Variants in RPSA2 observed in about 807,000 individuals in gnomAD.
The protein encoded by RPSA2 is ribosomal protein SA 2, also known as small ribosomal subunit protein uS2B.
chr19:23,859,608 C>G, the RPSA2 span, among the ~76,000 whole-genome samples: 1 of 128,710 alleles, frequency 7.8e-6, no homozygotes, highest in Non-Finnish European at 1.6e-5. Context: ...GCCTGGGCAA[C>G]AATAACAAAG....
the RPSA2 span, among the ~76,000 whole-genome samples, chr19:23,869,467 C>G: frequency 6.6e-6 from 1 of 152,160 alleles, no homozygotes; most frequent in Non-Finnish European, 1.5e-5. Context: ...TAGTTCTGAC[C>G]TCTCTCCATT....
At chr19:23,862,173 C>T in the RPSA2 span, among the ~76,000 whole-genome samples, 5 of 152,080 alleles carry the variant, frequency 3.3e-5, no homozygotes, top group Non-Finnish European at 7.3e-5. Flanking sequence ...ATTTGGCTCT[C>T]TGTTTGTCTG....
chr19:23,857,293 A>T, the RPSA2 span, among the ~76,000 whole-genome samples: 1 of 152,136 alleles, frequency 6.6e-6, no homozygotes, highest in African/African-American at 2.4e-5. Context: ...AGATAACATG[A>T]TTAAGAGATT....
the RPSA2 span, chr19:23,832,096 C>A: frequency 2.2e-6 from 1 of 453,306 alleles, no homozygotes; most frequent in East Asian, 6.0e-5. Flanking sequence ...ACACTCAACC[C>A]TTACTACACA....
At chr19:23,845,780 C>A in the RPSA2 span, among the ~76,000 whole-genome samples, 424 of 152,328 alleles carry the variant, frequency 2.8e-3, 2 homozygotes, top group African/African-American at 9.9e-3. Context: ...GTGTGAGCCA[C>A]CACCTCTGGC....
the RPSA2 span, among the ~76,000 whole-genome samples, chr19:23,785,201 A>G: frequency 6.6e-6 from 1 of 152,116 alleles, no homozygotes; most frequent in South Asian, 2.1e-4. Context: ...CACTTAGGTG[A>G]TGGGAATCTT....
At chr19:23,861,485 C>A in the RPSA2 span, among the ~76,000 whole-genome samples, 1 of 152,132 alleles carries the variant, frequency 6.6e-6, no homozygotes, top group Non-Finnish European at 1.5e-5. Context: ...GACCACCTCC[C>A]TTCCACATAC....
chr19:23,810,884 C>G, the RPSA2 span, among the ~76,000 whole-genome samples: 2 of 152,108 alleles, frequency 1.3e-5, no homozygotes, highest in African/African-American at 4.8e-5. Context: ...TAGCCAACAA[C>G]AGTAGTCCTG....
At chr19:23,778,026 C>CA in the RPSA2 span, among the ~76,000 whole-genome samples, 1 of 152,140 alleles carries the variant, frequency 6.6e-6, no homozygotes, top group Non-Finnish European at 1.5e-5. Flanking sequence ...TTCTATCCCC[C>CA]AAAAAACTGA....
At chr19:23,844,862 G>A in the RPSA2 span, among the ~76,000 whole-genome samples, 1 of 151,100 alleles carries the variant, frequency 6.6e-6, no homozygotes, top group Non-Finnish European at 1.5e-5. Flanking sequence ...TATACATTTG[G>A]TAGAATTTGG....
chr19:23,767,586 C>G, the RPSA2 span, among the ~76,000 whole-genome samples: 2 of 152,020 alleles, frequency 1.3e-5, no homozygotes, highest in African/African-American at 4.8e-5. Context: ...TACAAAGTGT[C>G]TCCTGGGAAG....
the RPSA2 span, among the ~76,000 whole-genome samples, chr19:23,803,287 G>C: frequency 7.9e-5 from 12 of 152,118 alleles, no homozygotes; most frequent in Admixed American, 7.9e-4. Flanking sequence ...GAAGAGATCA[G>C]AGTTTTGGGT....
chr19:23,788,757 C>T, the RPSA2 span, among the ~76,000 whole-genome samples: 4 of 152,090 alleles, frequency 2.6e-5, no homozygotes, highest in Non-Finnish European at 4.4e-5. Flanking sequence ...TCTGACATTA[C>T]GGGATGGGAA....
chr19:23,791,325 G>A, the RPSA2 span, among the ~76,000 whole-genome samples: 1 of 152,014 alleles, frequency 6.6e-6, no homozygotes, highest in East Asian at 1.9e-4. Flanking sequence ...TACACATCAG[G>A]GTGGAAATAT....
chr19:23,780,718 A>G, the RPSA2 span, among the ~76,000 whole-genome samples: 1 of 152,212 alleles, frequency 6.6e-6, no homozygotes, highest in East Asian at 1.9e-4. Context: ...TGGTAACTCT[A>G]TAAGATCATG....
chr19:23,802,201 A>G, the RPSA2 span, among the ~76,000 whole-genome samples: 1 of 152,210 alleles, frequency 6.6e-6, no homozygotes. Context: ...ACAGGTTTAA[A>G]TAGAATCTGA....
chr19:23,843,620 A>AGATC, the RPSA2 span, among the ~76,000 whole-genome samples: 1 of 152,168 alleles, frequency 6.6e-6, no homozygotes, highest in Non-Finnish European at 1.5e-5. Flanking sequence ...ATGTTAGATC[A>AGATC]TTTGTTAGGT....
chr19:23,824,811 GTAT>G, the RPSA2 span, among the ~76,000 whole-genome samples: 1 of 82,844 alleles, frequency 1.2e-5, no homozygotes, highest in Non-Finnish European at 2.3e-5. Flanking sequence ...TTTAAATCAA[GTAT>G]TATTGGTTAG....
the RPSA2 span, among the ~76,000 whole-genome samples, chr19:23,759,481 A>C: frequency 7.0e-6 from 1 of 142,180 alleles, no homozygotes; most frequent in Non-Finnish European, 1.5e-5. Context: ...CTAGACACTG[A>C]GCCTCGGCAC....
Sources: allele counts gnomAD v4.1 joint callset (sites outside exome capture counted in the v4.1 genomes callset), GRCh38; gene constraint gnomAD v4.1.1; transcripts MANE v1.5; gene names NCBI Gene and HGNC (gene_info 2026-07-23, HGNC 2026-07-21).